The following WDR27 variants were observed in gnomAD, a reference collection of about 807,000 sequenced individuals.
The protein encoded by WDR27 is WD repeat domain 27.
Under a neutral mutation model 114.4 loss-of-function variants are expected in WDR27, and 100 were observed. The ratio of observed to expected loss-of-function variants is 0.87; its 90% CI spans 0.74 to 1.03. The LOEUF is 1.03. WDR27 is among the 50% of genes least tolerant of loss of function. The probability of loss-of-function intolerance (pLI) is 0.00; values close to 1 mark genes in which losing one functional copy is unlikely to be tolerated. For missense variants in WDR27, 1,129 were observed against 1,092.9 expected (o/e 1.03, Z -0.47); for synonymous variants, 449 against 423.1 (o/e 1.06, Z -0.75).
intron 25 of WDR27, among the ~76,000 whole-genome samples, chr6:169,493,881 A>C (rs1244836899): frequency 6.6e-6 from 1 of 152,198 alleles, no homozygotes; most frequent in Non-Finnish European, 1.5e-5. Context: ...AGAAAGAAAA[A>C]TAACTCAATC....
chr6:169,698,871 G>C (rs987606503), intron 1 of WDR27, among the ~76,000 whole-genome samples: 2 of 152,234 alleles, frequency 1.3e-5, no homozygotes, highest in African/African-American at 4.8e-5. Context: ...GTGTAAGCAA[G>C]AGAGAAACAT....
intron 25 of WDR27, among the ~76,000 whole-genome samples, chr6:169,553,014 GTGTGTGTGTGTGTA>G (rs1266186207): frequency 8.4e-6 from 1 of 118,426 alleles, no homozygotes; most frequent in Non-Finnish European, 1.8e-5. Flanking sequence ...GTGTGTGTGT[GTGTGTGTGTGTGTA>G]TGCAGGGAGG....
chr6:169,622,740 C>T (rs1210825488), intron 21 of WDR27, among the ~76,000 whole-genome samples: 3 of 152,300 alleles, frequency 2.0e-5, no homozygotes, highest in East Asian at 1.9e-4. Context: ...TGTTTCGACA[C>T]GGGAGAAGCG....
intron 17 of WDR27, among the ~76,000 whole-genome samples, chr6:169,640,668 C>G (rs1818921186): frequency 6.6e-6 from 1 of 152,256 alleles, no homozygotes; most frequent in African/African-American, 2.4e-5. Flanking sequence ...ACACCTGCTG[C>G]AGGGCCTGGT....
At chr6:169,665,246 A>G (rs1827504822) in intron 7 of WDR27, 1 of 1,278,578 alleles carries the variant, frequency 7.8e-7, no homozygotes, top group Non-Finnish European at 9.9e-7. Context: ...TGCACTCCAG[A>G]ACCACGCATG....
chr6:169,684,998 T>C lies in WDR27; in HGVS notation c.189+3819A>G, dbSNP rs952220705. ...CAGGTGAACCCATCCTTGGCAAAGC[T>C]ACACAACCATCACCACAAATTCTCT... is the stretch of plus-strand genomic sequence containing the variant. On this transcript the variant is annotated intron_variant, in intron 2 of 25. Coordinates refer to ENST00000448612, the MANE Select transcript of WDR27 (RefSeq NM_182552.5). The surrounding 1 kb of genome is among the most constrained non-coding windows in gnomAD (Gnocchi z 4.3). 4.6e-5 allele frequency among the ~76,000 whole-genome samples: 7 copies of C among 152,156 alleles called. No homozygotes were observed. The highest frequency in any genetic ancestry group is 9.7e-5 in the African/African-American group (4 of 41,428).
At chr6:169,667,959 G>A (rs541269497) in intron 5 of WDR27, 23 bp downstream of exon 5, 74 of 1,599,052 alleles carry the variant, frequency 4.6e-5, no homozygotes, top group Middle Eastern at 1.8e-4. Context: ...ACGCGGGAAC[G>A]CCATCCAGCG....
At chr6:169,655,639 C>T (rs535017752) in intron 13 of WDR27, among the ~76,000 whole-genome samples, 1 of 152,304 alleles carries the variant, frequency 6.6e-6, no homozygotes, top group South Asian at 2.1e-4. Flanking sequence ...CTTCTCGGTG[C>T]CTCTTTGCCA....
Position 169,593,642 on chromosome 6 carries a change from G to C in WDR27, c.2424+8577C>G, listed in dbSNP as rs572498944. On this transcript the variant is annotated intron_variant, in intron 23 of 25. Transcript: ENST00000448612. ...GTAGGTGGATCACTTGAGGTCAGGA[G>C]TTTGAGACCAGCCTGGCCAACATAG... Among the ~76,000 whole-genome samples the C allele has an allele frequency of 1.5e-3, 223 of 152,274 alleles. 1 individual carries two copies. Among genetic ancestry groups the C allele is most frequent in the African/African-American group, 5.1e-3 (211 of 41,548 alleles).
chr6:169,580,804 C>T (rs9295010), intron 24 of WDR27, among the ~76,000 whole-genome samples: 61,441 of 151,060 alleles, frequency 0.41, 14,546 homozygotes, highest in East Asian at 0.85. Context: ...GGAAACAGAA[C>T]GGTAGTGAGG....
intron 1 of WDR27, among the ~76,000 whole-genome samples, chr6:169,696,903 G>C (rs1261480522): frequency 1.3e-5 from 2 of 152,192 alleles, no homozygotes; most frequent in Non-Finnish European, 2.9e-5. Flanking sequence ...GACAGAGCGA[G>C]ACCCTGTCTC....
chr6:169,605,445 T>C (rs1808949545), intron 22 of WDR27, among the ~76,000 whole-genome samples: 1 of 151,688 alleles, frequency 6.6e-6, no homozygotes, highest in African/African-American at 2.4e-5. Context: ...AAAACATCAA[T>C]GAAAGAAACT....
At chr6:169,610,218 T>C (rs1230155727) in intron 22 of WDR27, among the ~76,000 whole-genome samples, 1 of 152,224 alleles carries the variant, frequency 6.6e-6, no homozygotes, top group Non-Finnish European at 1.5e-5. Flanking sequence ...AGTTCCAAAG[T>C]CGCTTCCACA....
chr6:169,663,199 T>C (rs970799292), intron 8 of WDR27, among the ~76,000 whole-genome samples: 1 of 152,146 alleles, frequency 6.6e-6, no homozygotes, highest in Admixed American at 6.5e-5. Flanking sequence ...AGAACTTAAC[T>C]TCATATTTCC....
intron 25 of WDR27, among the ~76,000 whole-genome samples, chr6:169,505,938 G>A (rs1791949146): frequency 6.6e-6 from 1 of 152,144 alleles, no homozygotes; most frequent in Non-Finnish European, 1.5e-5. Context: ...ACTGCACGCT[G>A]CCCACATGCA....
chr6:169,505,458 GTTATTCCTTCT>G (rs1791878781), intron 25 of WDR27, among the ~76,000 whole-genome samples: 1 of 98,788 alleles, frequency 1.0e-5, no homozygotes, highest in Non-Finnish European at 2.9e-5. Context: ...AGGTACATTT[GTTATTCCTTCT>G]CTATACTTAG....
At chr6:169,664,621 G>A (rs775198915) in intron 7 of WDR27, 8 of 1,129,178 alleles carry the variant, frequency 7.1e-6, no homozygotes, top group African/African-American at 1.6e-5. Flanking sequence ...CCAAGAGCAC[G>A]TCCCACATGC....
At chr6:169,441,793 G>A in the WDR27 span, among the ~76,000 whole-genome samples, 1 of 152,228 alleles carries the variant, frequency 6.6e-6, no homozygotes, top group African/African-American at 2.4e-5. Flanking sequence ...TGGACATACT[G>A]AAGACCACCT....
At chr6:169,607,809 A>T (rs1305943116) in intron 22 of WDR27, among the ~76,000 whole-genome samples, 1 of 152,218 alleles carries the variant, frequency 6.6e-6, no homozygotes, top group Non-Finnish European at 1.5e-5. Flanking sequence ...AATCACTAGA[A>T]AATGGATGTT....
Sources: gnomAD v4.1 joint callset for allele counts (sites outside exome capture counted in the v4.1 genomes callset) on GRCh38, gnomAD v4.1.1 for gene constraint, Gnocchi (gnomAD v3.1) non-coding constraint, MANE v1.5 for transcripts, NCBI Gene and HGNC (gene_info 2026-07-23, HGNC 2026-07-21) for gene names.